MAST4: variants seen among roughly 807,000 people sequenced by gnomAD.
MAST4 encodes the protein microtubule associated serine/threonine kinase family member 4.
A neutral mutation model predicts 162.7 loss-of-function variants in MAST4; 89 were observed. The observed-to-expected ratio is 0.55, with a 90% CI of 0.46 to 0.65. The LOEUF (loss-of-function observed/expected upper bound fraction) is 0.65, where lower values mean the gene tolerates loss of function less well. Among genes scored for constraint, MAST4 ranks in the 30% least tolerant of loss-of-function variants. The pLI is 0.00. For synonymous variants in MAST4, 1,479 were observed against 1,361.1 expected (o/e 1.09, Z -1.91); for missense variants, 3,153 against 3,374.0 (o/e 0.93, Z 1.62).
intron 1 of MAST4, among the ~76,000 whole-genome samples, chr5:66,646,247 T>TA (rs200688309): frequency 7.7e-6 from 1 of 130,166 alleles, no homozygotes; most frequent in South Asian, 2.4e-4. Flanking sequence ...TGGATATATT[T>TA]AAAAAAATGT....
At chr5:66,907,432 G>C (rs1003510206) in intron 4 of MAST4, among the ~76,000 whole-genome samples, 1 of 152,150 alleles carries the variant, frequency 6.6e-6, no homozygotes, top group African/African-American at 2.4e-5. Flanking sequence ...TTTTATGCTT[G>C]AAAGTAGGAT....
At chr5:66,714,282 TTGG>T (rs1372235497) in intron 1 of MAST4, among the ~76,000 whole-genome samples, 6 of 152,258 alleles carry the variant, frequency 3.9e-5, no homozygotes, top group African/African-American at 1.4e-4. Context: ...GGATATGTTC[TTGG>T]TGGCCTAGGA....
intron 4 of MAST4, among the ~76,000 whole-genome samples, chr5:66,973,669 T>C (rs976592563): frequency 1.3e-5 from 2 of 152,326 alleles, no homozygotes; most frequent in African/African-American, 4.8e-5. Context: ...CCAGTGGTTT[T>C]TGCTTTCATT....
rs1000220378 is a variant in MAST4 at position 67,077,118 on chromosome 5, T to G, written c.764-13044T>G. ...TTAAGGTGTCTGGCCTGGTCTGGCCTATATCTTTTTAAAAGCTCCCCAGAG... is the reference window on the plus strand; with the variant it reads ...TTAAGGTGTCTGGCCTGGTCTGGCCGATATCTTTTTAAAAGCTCCCCAGAG... On this transcript the variant is annotated intron_variant, in intron 5 of 28. Transcript: ENST00000403625. Among the ~76,000 whole-genome samples the G allele has an allele frequency of 3.9e-5, 6 of 152,222 alleles. No homozygotes were observed. The East Asian group carries it at 7.7e-4, about 20-fold the overall frequency.
At chr5:67,146,625 T>G (rs913217311) in intron 23 of MAST4, among the ~76,000 whole-genome samples, 2 of 152,176 alleles carry the variant, frequency 1.3e-5, no homozygotes, top group Non-Finnish European at 2.9e-5. Flanking sequence ...AGGAAAAATT[T>G]TATGGGCTGG....
chr5:66,606,099 T>C (rs2149387374), intron 1 of MAST4, among the ~76,000 whole-genome samples: 1 of 152,360 alleles, frequency 6.6e-6, no homozygotes, highest in Non-Finnish European at 1.5e-5. Flanking sequence ...TCCTTGTTCT[T>C]ATTCTTGCTT....
At chr5:66,669,615 G>T (rs1319757509) in intron 1 of MAST4, among the ~76,000 whole-genome samples, 3 of 152,184 alleles carry the variant, frequency 2.0e-5, no homozygotes, top group African/African-American at 7.2e-5. Context: ...GGGCTGGGAA[G>T]TTGGACAGGT....
intron 4 of MAST4, among the ~76,000 whole-genome samples, chr5:66,932,186 C>T (rs914299779): frequency 1.3e-5 from 2 of 152,118 alleles, no homozygotes; most frequent in Non-Finnish European, 2.9e-5. Flanking sequence ...GGTCTGTCAC[C>T]GTTATCAGAA....
intron 11 of MAST4, among the ~76,000 whole-genome samples, chr5:67,112,496 G>T (rs1007953637): frequency 1.3e-5 from 2 of 152,168 alleles, no homozygotes; most frequent in African/African-American, 4.8e-5. Context: ...TTTTACCTGT[G>T]CCTCTCACCG....
chr5:66,739,047 A>G (rs931333711), intron 1 of MAST4, among the ~76,000 whole-genome samples: 6 of 152,052 alleles, frequency 3.9e-5, no homozygotes, highest in Non-Finnish European at 5.9e-5. Flanking sequence ...ACCGTGATGA[A>G]GAGTGCTTTA....
intron 19 of MAST4, among the ~76,000 whole-genome samples, chr5:67,139,979 G>A (rs2151025942): frequency 6.6e-6 from 1 of 152,374 alleles, no homozygotes; most frequent in South Asian, 2.1e-4. Context: ...GAGATGAAAT[G>A]AAGGCTCTCA....
At chr5:66,891,643 T>C (rs192821879) in intron 3 of MAST4, among the ~76,000 whole-genome samples, 5 of 152,314 alleles carry the variant, frequency 3.3e-5, no homozygotes, top group Non-Finnish European at 7.3e-5. Context: ...TCCAGCCATG[T>C]TGTTTCCTGA....
Position 67,069,313 on chromosome 5 carries a change from A to ATATATAT in MAST4, c.763+14821_763+14822insTATATAT, listed in dbSNP as rs1230619144. Among the ~76,000 whole-genome samples, 103 of 65,328 alleles carry ATATATAT rather than the reference A, an allele frequency of 1.6e-3. 2 individuals are homozygous for ATATATAT. Among genetic ancestry groups the ATATATAT allele is most frequent in the Middle Eastern group, 8.9e-3 (1 of 112 alleles). The allele number at this position is 65,328 out of a possible 152,430, so 42.9% of individuals were successfully genotyped here. On this transcript the variant is annotated intron_variant, in intron 5 of 28. Transcript: ENST00000403625. ...ATATATATATATATATATATATATA[A>ATATATAT]AATTTTAAAATATTCCTTCTAAGGC...
intron 3 of MAST4, among the ~76,000 whole-genome samples, chr5:66,888,802 C>G (rs1351539049): frequency 3.3e-5 from 5 of 152,186 alleles, no homozygotes; most frequent in African/African-American, 1.2e-4. Flanking sequence ...TGTGGAAATG[C>G]AAGTGAACTG....
At chr5:67,059,225 A>C (rs1315885442) in intron 5 of MAST4, among the ~76,000 whole-genome samples, 1 of 152,240 alleles carries the variant, frequency 6.6e-6, no homozygotes, top group Non-Finnish European at 1.5e-5. Flanking sequence ...GCAGGGGCAT[A>C]TCCGGTCATT....
intron 10 of MAST4, among the ~76,000 whole-genome samples, chr5:67,105,783 G>A (rs1018376021): frequency 6.6e-6 from 1 of 152,150 alleles, no homozygotes; most frequent in Non-Finnish European, 1.5e-5. Context: ...ATCTCATCAC[G>A]CACAGATGAC....
At chr5:66,828,922 T>C in intron 3 of MAST4, 1 of 1,493,196 alleles carries the variant, frequency 6.7e-7, no homozygotes, top group Non-Finnish European at 9.2e-7. Flanking sequence ...GCATTGTCAG[T>C]GGCCAGCCAT....
At chr5:66,805,607 A>AAACT (rs1214510507) in intron 3 of MAST4, among the ~76,000 whole-genome samples, 2 of 152,140 alleles carry the variant, frequency 1.3e-5, no homozygotes, top group African/African-American at 4.8e-5. Context: ...GGGAATCTGT[A>AAACT]GTTTTGTCAG....
intron 1 of MAST4, among the ~76,000 whole-genome samples, chr5:66,725,029 GTTC>G (rs1452193158): frequency 6.6e-6 from 1 of 151,316 alleles, no homozygotes; most frequent in African/African-American, 2.4e-5. Flanking sequence ...ATTCTGCCTT[GTTC>G]TTAATGAAAT....
Sources: gnomAD v4.1 joint callset for allele counts (sites outside exome capture counted in the v4.1 genomes callset) on GRCh38, gnomAD v4.1.1 for gene constraint, MANE v1.5 for transcripts, NCBI Gene and HGNC (gene_info 2026-07-23, HGNC 2026-07-21) for gene names.